Variants in UBE2E1 observed in about 807,000 individuals in gnomAD.
UBE2E1 encodes the protein ubiquitin conjugating enzyme E2 E1.
Under a neutral mutation model 21.4 loss-of-function variants are expected in UBE2E1, and 6 were observed. That is an observed-to-expected ratio of 0.28 (90% CI 0.15 to 0.55). The LOEUF (loss-of-function observed/expected upper bound fraction) is 0.55. Ranked by LOEUF, UBE2E1 falls within the 20% of genes least tolerant of loss-of-function variation. The probability of loss-of-function intolerance (pLI) is 0.93; values close to 1 mark genes in which losing one functional copy is unlikely to be tolerated. For missense variants in UBE2E1, 142 were observed against 236.5 expected (o/e 0.60, Z 2.62); for synonymous variants, 87 against 82.7 (o/e 1.05, Z -0.28).
intron 3 of UBE2E1, among the ~76,000 whole-genome samples, chr3:23,873,415 G>A (rs981964692): frequency 2.0e-5 from 3 of 148,990 alleles, no homozygotes; most frequent in Non-Finnish European, 3.0e-5. Flanking sequence ...CCCTGGGAGG[G>A]TGCAGGTGGA....
intron 3 of UBE2E1, among the ~76,000 whole-genome samples, chr3:23,851,344 T>G (rs981370659): frequency 6.6e-6 from 1 of 152,242 alleles, no homozygotes; most frequent in Non-Finnish European, 1.5e-5. Flanking sequence ...AGCTTCGTTC[T>G]TTTTAAAGAT....
intron 3 of UBE2E1, among the ~76,000 whole-genome samples, chr3:23,848,395 G>A (rs147022352): frequency 8.0e-4 from 121 of 152,062 alleles, no homozygotes; most frequent in African/African-American, 2.7e-3. Flanking sequence ...ACCTGAACTC[G>A]GAAGATGGAG....
intron 3 of UBE2E1, among the ~76,000 whole-genome samples, chr3:23,818,998 A>G (rs1397415293): frequency 6.6e-6 from 1 of 152,196 alleles, no homozygotes; most frequent in Non-Finnish European, 1.5e-5. Context: ...AAAAATTGCT[A>G]GAGAGTCCGG....
At chr3:23,845,589 C>CTCTGTGTGTGTGTGTGTG (rs1553637998) in intron 3 of UBE2E1, among the ~76,000 whole-genome samples, 30 of 121,362 alleles carry the variant, frequency 2.5e-4, no homozygotes, top group South Asian at 9.6e-4. Flanking sequence ...CTCTCTCTCT[C>CTCTGTGTGTGTGTGTGTG]TGTGTGTGTG....
chr3:23,875,999 T>A (rs979917506), intron 3 of UBE2E1, among the ~76,000 whole-genome samples: 1 of 152,200 alleles, frequency 6.6e-6, no homozygotes, highest in Admixed American at 6.5e-5. Context: ...TCTCTATCTC[T>A]AGACCTCGTG....
In UBE2E1 at chr3:23,810,500, G is replaced by C; in HGVS notation, c.153-960G>C. On this transcript the variant is annotated intron_variant, in intron 2 of 5. Coordinates refer to ENST00000306627, the MANE Select transcript of UBE2E1 (RefSeq NM_003341.5). The surrounding 1 kb of genome is among the most constrained non-coding windows in gnomAD (Gnocchi z 5.8). ...CATGAAGGAAGTGGGCAGACCCCGG[G>C]AAGTTAGAGGACGCCCGGGGAAAAG... The C allele has an allele frequency of 6.5e-7, 1 of 1,535,716 alleles. No individual in the cohort carries two copies. Among genetic ancestry groups the C allele is most frequent in the Non-Finnish European group, 8.7e-7 (1 of 1,146,666 alleles).
intron 3 of UBE2E1, among the ~76,000 whole-genome samples, chr3:23,815,671 G>T (rs1699499472): frequency 2.0e-5 from 3 of 152,196 alleles, no homozygotes; most frequent in Non-Finnish European, 4.4e-5. Flanking sequence ...TGCAACAGTG[G>T]AGTGTTACAT....
At chr3:23,862,520 T>A (rs1444295317) in intron 3 of UBE2E1, among the ~76,000 whole-genome samples, 1 of 152,208 alleles carries the variant, frequency 6.6e-6, no homozygotes, top group African/African-American at 2.4e-5. Flanking sequence ...GAACTATATG[T>A]CCCTGGCATA....
In UBE2E1 at chr3:23,853,467, T is replaced by C. The variant is rs1700369161; in HGVS notation, c.204-34100T>C. ...TTGATGAAGCCCAGTTTGTCAGTTT[T>C]TTCTTGTGTGATTCATGCTTTTGTC... On this transcript the variant is annotated intron_variant, in intron 3 of 5. Transcript: ENST00000306627. This position sits in a 1 kb window ranked among gnomAD's most constrained non-coding sequence, Gnocchi z 4.1. 6.6e-6 allele frequency among the ~76,000 whole-genome samples: 1 copy of C among 152,300 alleles called. No homozygotes were observed. Among genetic ancestry groups the C allele is most frequent in the Non-Finnish European group, 1.5e-5 (1 of 68,018 alleles).
At position 23,887,665 on chromosome 3, in the gene UBE2E1, C is replaced by T. The variant is rs762232044; in HGVS notation, c.302C>T (p.Thr101Ile). ...YEGGVFFLDITFTPEYPFKPP... is the reference protein window; with the variant it reads ...YEGGVFFLDIIFTPEYPFKPP... ...GGTGGTGTATTCTTTCTCGATATCA[C>T]TTTTACACCAGAATATCCCTTCAAG... The change falls in exon 4 of 6, where the codon ACT becomes ATT. Residue 101 changes from threonine to isoleucine, a missense_variant. Around this residue, in one of 2 missense-constraint regions of UBE2E1, gnomAD observed 87 missense variants for 184.9 expected, o/e 0.47. Transcript: ENST00000306627. This position sits in a 1 kb window ranked among gnomAD's most constrained non-coding sequence, Gnocchi z 4.4. 1.5e-5 allele frequency: 25 copies of T among 1,613,682 alleles called. No individual in the cohort carries two copies. The highest frequency in any genetic ancestry group is 2.0e-5 in the Non-Finnish European group (24 of 1,179,992).
rs1699979715 is a variant in UBE2E1, at chr3:23,836,569, A to G, written c.203+25059A>G. ...TTTGTTCTTTTTCCAAAAGAGTGAC[A>G]TTGGCTTTTCTTGGAAGTTTTAGAG... On this transcript the variant is annotated intron_variant, in intron 3 of 5. Coordinates refer to ENST00000306627, the MANE Select transcript of UBE2E1 (RefSeq NM_003341.5). This position sits in a 1 kb window ranked among gnomAD's most constrained non-coding sequence, Gnocchi z 4.1. Among the ~76,000 whole-genome samples the G allele has an allele frequency of 1.3e-5, 2 of 152,202 alleles. No individual in the cohort carries two copies. The highest frequency in any genetic ancestry group is 2.4e-5 in the African/African-American group (1 of 41,444).
At position 23,890,588 on chromosome 3, in the gene UBE2E1, C is replaced by T; in HGVS notation, c.564C>T (p.Thr188=). ...AEHDRMARQW[T]KRYAT Reference sequence around the variant, plus strand: ...ATGACAGAATGGCCAGACAGTGGACCAAGAGATACGCTACATAAATTGGGG... The same window carrying T: ...ATGACAGAATGGCCAGACAGTGGACTAAGAGATACGCTACATAAATTGGGG... Residue 188 remains threonine (T), a synonymous_variant, in exon 6 of 6, where the codon ACC becomes ACT. Coordinates refer to ENST00000306627, the MANE Select transcript of UBE2E1 (RefSeq NM_003341.5). 5 of 1,608,406 alleles carry T rather than the reference C, an allele frequency of 3.1e-6. No homozygotes were observed. Among genetic ancestry groups the T allele is most frequent in the Non-Finnish European group, 4.2e-6 (5 of 1,176,704 alleles).
At position 23,876,290 on chromosome 3, in the gene UBE2E1, T is replaced by C. The variant is rs1238536085; in HGVS notation, c.204-11277T>C. 6.6e-6 allele frequency among the ~76,000 whole-genome samples: 1 copy of C among 152,242 alleles called. No individual in the cohort carries two copies. Among genetic ancestry groups the C allele is most frequent in the Non-Finnish European group, 1.5e-5 (1 of 68,044 alleles). ...TGGTCGCCCTGCTTTTTAATAGCACTTACAAAATCGTGTCACTACCCTGTT... is the reference window on the plus strand; with the variant it reads ...TGGTCGCCCTGCTTTTTAATAGCACCTACAAAATCGTGTCACTACCCTGTT... On this transcript the variant is annotated intron_variant, in intron 3 of 5. Coordinates refer to ENST00000306627, the MANE Select transcript of UBE2E1 (RefSeq NM_003341.5). This position sits in a 1 kb window ranked among gnomAD's most constrained non-coding sequence, Gnocchi z 4.3.
In UBE2E1 at chr3:23,836,043, A is replaced by G. The variant is rs1272902560; in HGVS notation, c.203+24533A>G. 1.3e-5 allele frequency among the ~76,000 whole-genome samples: 2 copies of G among 152,212 alleles called. No individual in the cohort carries two copies. Among genetic ancestry groups the G allele is most frequent in the Admixed American group, 1.3e-4 (2 of 15,286 alleles). ...AGATAAGATATATATTTCAGAAAAA[A>G]TGTTTTGAGCTTTTGCTGTTGATGT... On this transcript the variant is annotated intron_variant, in intron 3 of 5. Transcript: ENST00000306627. This position sits in a 1 kb window ranked among gnomAD's most constrained non-coding sequence, Gnocchi z 4.1.
At chr3:23,877,122 G>T (rs1700932963) in intron 3 of UBE2E1, among the ~76,000 whole-genome samples, 1 of 152,186 alleles carries the variant, frequency 6.6e-6, no homozygotes, top group African/African-American at 2.4e-5. Context: ...CATGCACATT[G>T]ATAGGGTCTG....
chr3:23,822,046 T>C (rs1212419743), intron 3 of UBE2E1, among the ~76,000 whole-genome samples: 1 of 151,974 alleles, frequency 6.6e-6, no homozygotes, highest in African/African-American at 2.4e-5. Context: ...CATTTAGAAG[T>C]GTACACTAGG....
intron 3 of UBE2E1, among the ~76,000 whole-genome samples, chr3:23,843,573 A>G (rs1017187632): frequency 6.6e-6 from 1 of 151,940 alleles, no homozygotes; most frequent in African/African-American, 2.4e-5. Context: ...TAATTTGCCT[A>G]CTCCACTCTC....
chr3:23,861,973 G>A (rs933786485), intron 3 of UBE2E1, among the ~76,000 whole-genome samples: 3 of 152,222 alleles, frequency 2.0e-5, no homozygotes, highest in Non-Finnish European at 2.9e-5. Flanking sequence ...AACAGAAGCC[G>A]CCTATGGACG....
At chr3:23,879,273 A>G (rs767431941) in intron 3 of UBE2E1, 19 of 860,252 alleles carry the variant, frequency 2.2e-5, no homozygotes, top group Admixed American at 5.9e-5. Context: ...CTAAACACCT[A>G]CATCCCAGAA....
Sources: allele counts gnomAD v4.1 joint callset (sites outside exome capture counted in the v4.1 genomes callset), GRCh38; gene constraint gnomAD v4.1.1; regional missense constraint gnomAD v4.1.1; non-coding constraint Gnocchi (gnomAD v3.1); transcripts MANE v1.5; gene names NCBI Gene and HGNC (gene_info 2026-07-23, HGNC 2026-07-21).